Variants in PCDH11X observed in about 807,000 individuals in gnomAD.
PCDH11X encodes the protein protocadherin 11 X-linked.
A neutral mutation model predicts 53.3 loss-of-function variants in PCDH11X; 18 were observed. The ratio of observed to expected loss-of-function variants is 0.34; its 90% confidence interval spans 0.23 to 0.50. The LOEUF (loss-of-function observed/expected upper bound fraction) is 0.50. Ranked by LOEUF, PCDH11X falls within the 20% of genes least tolerant of loss-of-function variation. PCDH11X has a pLI of 0.98. For synonymous variants in PCDH11X, 279 were observed against 393.3 expected (o/e 0.71, Z 3.44); for missense variants, 570 against 1,032.4 (o/e 0.55, Z 6.14).
At chrX:92,060,963 C>G (rs1448585927) in intron 6 of PCDH11X, among the ~76,000 whole-genome samples, 1 of 112,108 alleles carries the variant, frequency 8.9e-6, no homozygotes, top group Admixed American at 9.5e-5. Context: ...AAAAGTATTG[C>G]CTTTTCTCCA....
chrX:92,239,452 C>T (rs1256926571), intron 7 of PCDH11X, among the ~76,000 whole-genome samples: 2 of 111,207 alleles, frequency 1.8e-5, no homozygotes, highest in African/African-American at 6.5e-5. Context: ...TGGTAAATTT[C>T]ATTTCTATAA....
chrX:92,516,434 C>T (rs1395366348), intron 10 of PCDH11X, among the ~76,000 whole-genome samples: 7 of 111,681 alleles, frequency 6.3e-5, no homozygotes, highest in African/African-American at 2.3e-4. Flanking sequence ...TTTTTGTTAA[C>T]AGAAGTGGAA....
chrX:92,369,753 G>A (rs1861461864), intron 8 of PCDH11X, among the ~76,000 whole-genome samples: 1 of 111,333 alleles, frequency 9.0e-6, no homozygotes, highest in Admixed American at 9.5e-5. Flanking sequence ...AGGGGAGGAA[G>A]GTCCCCCAGC....
At chrX:92,228,018 T>C (rs1232852803) in intron 7 of PCDH11X, among the ~76,000 whole-genome samples, 1 of 111,550 alleles carries the variant, frequency 9.0e-6, no homozygotes, top group African/African-American at 3.2e-5. Context: ...AAAACTGTGT[T>C]ATACCTGTTA....
intron 10 of PCDH11X, among the ~76,000 whole-genome samples, chrX:92,600,230 C>T (rs1926078734): frequency 9.3e-6 from 1 of 107,791 alleles, no homozygotes; most frequent in Non-Finnish European, 1.9e-5. Flanking sequence ...ATTGAGAAGC[C>T]AAATATTAAT....
chrX:92,405,110 T>C, intron 9 of PCDH11X, among the ~76,000 whole-genome samples: 1 of 92,761 alleles, frequency 1.1e-5, no homozygotes, highest in Non-Finnish European at 2.0e-5. Context: ...GCCATCAGGT[T>C]TCCTCCTCTG....
intron 10 of PCDH11X, among the ~76,000 whole-genome samples, chrX:92,536,124 C>T (rs1394097783): frequency 2.8e-5 from 3 of 108,532 alleles, no homozygotes; most frequent in Admixed American, 2.0e-4. Flanking sequence ...TTTGTCTGAA[C>T]GTCTTATTTT....
At chrX:92,207,665 A>C (rs1404397732) in intron 7 of PCDH11X, among the ~76,000 whole-genome samples, 1 of 111,901 alleles carries the variant, frequency 8.9e-6, no homozygotes, top group Non-Finnish European at 1.9e-5. Flanking sequence ...AGCTTGGAAT[A>C]ATAGCACTAG....
chrX:91,818,318 T>C (rs1196816670), intron 4 of PCDH11X, among the ~76,000 whole-genome samples: 1 of 111,184 alleles, frequency 9.0e-6, no homozygotes, highest in Non-Finnish European at 1.9e-5. Flanking sequence ...ACGTTTTTTA[T>C]AAGCAGTGCA....
intron 6 of PCDH11X, among the ~76,000 whole-genome samples, chrX:91,885,920 G>A (rs1214655268): frequency 3.6e-5 from 4 of 111,680 alleles, no homozygotes; most frequent in African/African-American, 1.3e-4. Flanking sequence ...GCCAATGATA[G>A]TACAGAGATT....
intron 10 of PCDH11X, among the ~76,000 whole-genome samples, chrX:92,525,625 CTT>C (rs1232431612): frequency 2.6e-5 from 2 of 76,523 alleles, no homozygotes; most frequent in African/African-American, 1.0e-4. Flanking sequence ...GAGCAAAACT[CTT>C]TCTCAAAAAA....
chrX:92,558,373 T>C lies in PCDH11X; in HGVS notation c.3368-59891T>C, dbSNP rs1212558597. On this transcript the variant is annotated intron_variant, in intron 10 of 10. Coordinates refer to ENST00000682573, the MANE Select transcript of PCDH11X (RefSeq NM_032968.5). ...TGTCTTTTAAAAAGGCACATGCTCA[T>C]AGAAGAGTTACATTGTTACTAATAG... 2.7e-5 allele frequency among the ~76,000 whole-genome samples: 3 copies of C among 111,845 alleles called. No individual in the cohort carries two copies. In the Admixed American group the frequency reaches 2.9e-4, roughly 11 times the overall value.
intron 7 of PCDH11X, among the ~76,000 whole-genome samples, chrX:92,254,748 T>A (rs2067531441): frequency 9.2e-6 from 1 of 109,030 alleles, no homozygotes; most frequent in Admixed American, 1.0e-4. Flanking sequence ...TTCTTTTCTT[T>A]AAGAATGTTG....
intron 6 of PCDH11X, among the ~76,000 whole-genome samples, chrX:92,126,779 A>C (rs2148188300): frequency 9.4e-6 from 1 of 106,007 alleles, no homozygotes; most frequent in Admixed American, 1.0e-4. Flanking sequence ...AAAGTATGGG[A>C]GAATCTAATT....
chrX:92,481,480 C>T (rs2073504995), intron 10 of PCDH11X, among the ~76,000 whole-genome samples: 2 of 110,493 alleles, frequency 1.8e-5, no homozygotes, highest in South Asian at 7.9e-4. Flanking sequence ...TGCTGGAGCT[C>T]TCTGCCAGTG....
chrX:92,478,564 T>G (rs1397369547), intron 10 of PCDH11X, among the ~76,000 whole-genome samples: 1 of 111,403 alleles, frequency 9.0e-6, no homozygotes, highest in Non-Finnish European at 1.9e-5. Flanking sequence ...TCTGCTATAT[T>G]GTATCTGTGT....
At chrX:92,331,349 C>T (rs867427918) in intron 8 of PCDH11X, among the ~76,000 whole-genome samples, 6 of 36,364 alleles carry the variant, frequency 1.6e-4, no homozygotes, top group African/African-American at 4.5e-4. Context: ...TTCCTTTTCC[C>T]CCTCCTCTTC....
chrX:92,320,871 CTATGAATATT>C (rs1295469114), intron 8 of PCDH11X, among the ~76,000 whole-genome samples: 1 of 110,120 alleles, frequency 9.1e-6, no homozygotes, highest in East Asian at 2.9e-4. Flanking sequence ...ACAGGAGGAG[CTATGAATATT>C]TATGAAGATC....
chrX:92,179,013 C>G (rs962833503), intron 6 of PCDH11X, among the ~76,000 whole-genome samples: 1 of 111,781 alleles, frequency 8.9e-6, no homozygotes, highest in African/African-American at 3.2e-5. Flanking sequence ...AGCATGCACG[C>G]TAACACATAG....
Sources: allele counts gnomAD v4.1 joint callset (sites outside exome capture counted in the v4.1 genomes callset), GRCh38; gene constraint gnomAD v4.1.1; transcripts MANE v1.5; gene names NCBI Gene and HGNC (gene_info 2026-07-23, HGNC 2026-07-21).